The following ROBO2 variants were observed in gnomAD, a reference collection of about 807,000 sequenced individuals.
ROBO2 encodes roundabout homolog 2.
ROBO2 carries 53 observed loss-of-function variants against 160.8 expected under a neutral mutation model. That is an observed-to-expected ratio of 0.33 (90% CI 0.26 to 0.41). The LOEUF (loss-of-function observed/expected upper bound fraction) is 0.41, where lower values mean the gene tolerates loss of function less well. ROBO2 is among the 10% of genes least tolerant of loss of function. The pLI is 1.00. For synonymous variants in ROBO2, 664 were observed against 611.7 expected (o/e 1.09, Z -1.26); for missense variants, 1,577 against 1,722.4 (o/e 0.92, Z 1.49).
chr3:76,798,308 G>GAAAGA (rs1553909510), intron 2 of ROBO2, among the ~76,000 whole-genome samples: 111 of 149,450 alleles, frequency 7.4e-4, no homozygotes, highest in South Asian at 4.9e-3. Flanking sequence ...AAGAAAGAAA[G>GAAAGA]AAAGAAAAAA....
At chr3:77,397,513 C>T (rs2075391533) in intron 2 of ROBO2, among the ~76,000 whole-genome samples, 1 of 152,248 alleles carries the variant, frequency 6.6e-6, no homozygotes, top group African/African-American at 2.4e-5. Context: ...GGAGATGAAG[C>T]CTTGTAAGTG....
intron 2 of ROBO2, among the ~76,000 whole-genome samples, chr3:76,300,638 A>AT (rs112851835): frequency 7.9e-5 from 12 of 152,104 alleles, no homozygotes; most frequent in African/African-American, 2.6e-4. Flanking sequence ...ATATATATAT[A>AT]AATATAGCAA....
At chr3:76,349,668 C>G (rs140545108) in intron 2 of ROBO2, among the ~76,000 whole-genome samples, 1 of 152,056 alleles carries the variant, frequency 6.6e-6, no homozygotes. Context: ...AACAAGTTAG[C>G]CTGCCACAGT....
chr3:76,274,960 T>A (rs1707834931), intron 2 of ROBO2, among the ~76,000 whole-genome samples: 1 of 152,148 alleles, frequency 6.6e-6, no homozygotes, highest in South Asian at 2.1e-4. Context: ...ATGCAGAGAT[T>A]TGTGCCATTG....
chr3:77,465,728 A>G (rs1416283840), intron 2 of ROBO2, among the ~76,000 whole-genome samples: 14 of 152,200 alleles, frequency 9.2e-5, no homozygotes, highest in African/African-American at 3.4e-4. Context: ...TCTCTTCATG[A>G]GAACTCAGTA....
chr3:76,138,221 T>C (rs2071500310), intron 2 of ROBO2, among the ~76,000 whole-genome samples: 2 of 151,736 alleles, frequency 1.3e-5, no homozygotes, highest in African/African-American at 4.8e-5. Flanking sequence ...ATGAGACAAA[T>C]AGTAATAGAG....
intron 2 of ROBO2, among the ~76,000 whole-genome samples, chr3:76,422,505 T>C (rs2076036935): frequency 6.6e-6 from 1 of 152,296 alleles, no homozygotes; most frequent in Non-Finnish European, 1.5e-5. Context: ...AAAAACTACT[T>C]GCGTGTTTGA....
upstream of ROBO2, among the ~76,000 whole-genome samples, chr3:77,036,394 T>C (rs1436798876): frequency 6.6e-6 from 1 of 151,782 alleles, no homozygotes; most frequent in Non-Finnish European, 1.5e-5. Flanking sequence ...TTGAAAAGAG[T>C]AAAAAAGTGG....
At chr3:76,520,258 C>T (rs2081538676) in intron 2 of ROBO2, among the ~76,000 whole-genome samples, 1 of 152,168 alleles carries the variant, frequency 6.6e-6, no homozygotes. Flanking sequence ...CGATACCAGC[C>T]TGGCCAACAT....
At chr3:77,621,271 T>C (rs2094894237) in intron 22 of ROBO2, among the ~76,000 whole-genome samples, 1 of 151,856 alleles carries the variant, frequency 6.6e-6, no homozygotes, top group Non-Finnish European at 1.5e-5. Flanking sequence ...ACAAAACATT[T>C]AAAAACTAAT....
intron 6 of ROBO2, among the ~76,000 whole-genome samples, chr3:77,544,597 T>C (rs1292460409): frequency 6.6e-6 from 1 of 152,214 alleles, no homozygotes; most frequent in South Asian, 2.1e-4. Context: ...CTTGTAAGGA[T>C]GAAGAATTGG....
intron 2 of ROBO2, among the ~76,000 whole-genome samples, chr3:76,874,867 T>A (rs1201646755): frequency 6.6e-6 from 1 of 152,134 alleles, no homozygotes; most frequent in African/African-American, 2.4e-5. Flanking sequence ...AGAACACAGA[T>A]CCCCTGACCC....
intron 2 of ROBO2, among the ~76,000 whole-genome samples, chr3:76,262,048 C>T (rs1343488429): frequency 1.3e-5 from 2 of 152,058 alleles, no homozygotes; most frequent in South Asian, 2.1e-4. Context: ...AGAAGCCTGT[C>T]ACGTGGTGGA....
chr3:77,380,655 TCTTCCCTCCCTCCCTCTCTCCCTC>T (rs1257857326), intron 2 of ROBO2, among the ~76,000 whole-genome samples: 12 of 151,652 alleles, frequency 7.9e-5, no homozygotes, highest in South Asian at 6.3e-4. Flanking sequence ...TTTTTCTCCC[TCTTCCCTCCCTCCCTCTCTCCCTC>T]CTTCCCTCCC....
intron 2 of ROBO2, among the ~76,000 whole-genome samples, chr3:77,330,421 C>A (rs953114356): frequency 6.6e-6 from 1 of 152,104 alleles, no homozygotes. Flanking sequence ...AGGAGGCTGA[C>A]GCAGGAGGAT....
At chr3:76,439,053 A>C (rs1309636530) in intron 2 of ROBO2, among the ~76,000 whole-genome samples, 1 of 152,140 alleles carries the variant, frequency 6.6e-6, no homozygotes, top group Non-Finnish European at 1.5e-5. Context: ...TAACTTTTTA[A>C]ATGTGTTTTT....
intron 5 of ROBO2, among the ~76,000 whole-genome samples, chr3:77,502,438 T>C (rs2087755117): frequency 6.6e-6 from 1 of 152,212 alleles, no homozygotes. Flanking sequence ...TTTATACTAC[T>C]TATTGACACA....
chr3:76,865,513 A>G (rs1209928967), intron 2 of ROBO2, among the ~76,000 whole-genome samples: 1 of 152,100 alleles, frequency 6.6e-6, no homozygotes, highest in Non-Finnish European at 1.5e-5. Flanking sequence ...TCACTAGTGC[A>G]GAAGACATTC....
chr3:77,084,243 G>A (rs1377842726), intron 1 of ROBO2, among the ~76,000 whole-genome samples: 1 of 151,898 alleles, frequency 6.6e-6, no homozygotes, highest in African/African-American at 2.4e-5. Context: ...AGTTATTATT[G>A]CCTCATTTGA....
Sources: gnomAD v4.1 joint callset for allele counts (sites outside exome capture counted in the v4.1 genomes callset) on GRCh38, gnomAD v4.1.1 for gene constraint, MANE v1.5 for transcripts, NCBI Gene and HGNC (gene_info 2026-07-23, HGNC 2026-07-21) for gene names.